Variants in MOB3B observed in about 807,000 individuals in gnomAD.
MOB3B encodes MOB kinase activator-like 2B.
A neutral mutation model predicts 18.7 loss-of-function variants in MOB3B; 7 were observed. The ratio of observed to expected loss-of-function variants is 0.37; its 90% CI spans 0.21 to 0.70. MOB3B has a LOEUF of 0.70. Ranked by LOEUF, MOB3B falls within the 30% of genes least tolerant of loss-of-function variation. MOB3B has a pLI of 0.52. For synonymous variants in MOB3B, 111 were observed against 99.9 expected (o/e 1.11, Z -0.66); for missense variants, 253 against 281.3 (o/e 0.90, Z 0.72).
intron 1 of MOB3B, among the ~76,000 whole-genome samples, chr9:27,506,899 C>T (rs1820070365): frequency 7.2e-6 from 1 of 139,730 alleles, no homozygotes; most frequent in East Asian, 2.1e-4. Context: ...CCAGGATGGT[C>T]TTGAACTCCT....
intron 2 of MOB3B, among the ~76,000 whole-genome samples, chr9:27,417,047 G>A (rs1822160989): frequency 6.6e-6 from 1 of 152,142 alleles, no homozygotes; most frequent in Admixed American, 6.6e-5. Context: ...TTACCATGAA[G>A]ATACAGGATG....
chr9:27,434,399 C>T (rs1049644953), intron 2 of MOB3B, among the ~76,000 whole-genome samples: 9 of 152,170 alleles, frequency 5.9e-5, no homozygotes, highest in Admixed American at 1.3e-4. Flanking sequence ...CCTTTCTCCA[C>T]CCACCATTAA....
intron 2 of MOB3B, among the ~76,000 whole-genome samples, chr9:27,450,541 G>T (rs975905395): frequency 6.6e-6 from 1 of 152,004 alleles, no homozygotes; most frequent in East Asian, 1.9e-4. Context: ...TTATCTAAAA[G>T]TTCTAGCCAA....
chr9:27,489,741 C>CTTTTTTTTTTTTTTTTTTTTTTTTTTTTT (rs66757462), intron 1 of MOB3B, among the ~76,000 whole-genome samples: 1 of 73,118 alleles, frequency 1.4e-5, no homozygotes, highest in Non-Finnish European at 2.6e-5. Flanking sequence ...AGGAAATAAT[C>CTTTTTTTTTTTTTTTTTTTTTTTTTTTTT]TTTTTTTTTT....
intron 3 of MOB3B, among the ~76,000 whole-genome samples, chr9:27,346,247 A>T (rs545449691): frequency 3.2e-4 from 48 of 152,336 alleles, no homozygotes; most frequent in African/African-American, 1.1e-3. Flanking sequence ...AGGACTTCCC[A>T]GCCTCCAGAA....
intron 1 of MOB3B, among the ~76,000 whole-genome samples, chr9:27,481,170 G>C (rs1011205481): frequency 6.6e-6 from 1 of 152,102 alleles, no homozygotes; most frequent in Admixed American, 6.5e-5. Context: ...CAATGAACTC[G>C]CTCATCCATA....
intron 2 of MOB3B, among the ~76,000 whole-genome samples, chr9:27,389,443 T>TTGAACATGCCGAGAGCTTCTCTACC (rs1278156547): frequency 3.9e-5 from 6 of 152,230 alleles, no homozygotes; most frequent in African/African-American, 1.4e-4. Context: ...GCTTCTCTAC[T>TTGAACATGCCGAGAGCTTCTCTACC]TCAGGTCCTG....
At chr9:27,403,014 A>G (rs1174299731) in intron 2 of MOB3B, among the ~76,000 whole-genome samples, 1 of 152,192 alleles carries the variant, frequency 6.6e-6, no homozygotes, top group Non-Finnish European at 1.5e-5. Context: ...CTCACCAAAC[A>G]TTCAACCTTC....
chr9:27,339,129 C>T (rs1390917150), intron 3 of MOB3B, among the ~76,000 whole-genome samples: 1 of 152,212 alleles, frequency 6.6e-6, no homozygotes, highest in Admixed American at 6.5e-5. Flanking sequence ...TTCTTGCCCT[C>T]AAGGCCTTTT....
chr9:27,489,017 C>G (rs1235025526), intron 1 of MOB3B, among the ~76,000 whole-genome samples: 1 of 152,174 alleles, frequency 6.6e-6, no homozygotes, highest in Non-Finnish European at 1.5e-5. Flanking sequence ...GTGATAATAT[C>G]TAGCGGGGAT....
At chr9:27,412,376 G>C (rs993484373) in intron 2 of MOB3B, among the ~76,000 whole-genome samples, 1 of 151,928 alleles carries the variant, frequency 6.6e-6, no homozygotes, top group Non-Finnish European at 1.5e-5. Flanking sequence ...GGGTGGGGTT[G>C]TTTGTGGCAA....
chr9:27,417,858 C>T (rs1412503810), intron 2 of MOB3B, among the ~76,000 whole-genome samples: 1 of 151,984 alleles, frequency 6.6e-6, no homozygotes, highest in African/African-American at 2.4e-5. Context: ...GCCAAGAGAT[C>T]GAGACCATCC....
intron 3 of MOB3B, among the ~76,000 whole-genome samples, chr9:27,354,162 T>C (rs997075431): frequency 7.9e-5 from 12 of 151,744 alleles, no homozygotes; most frequent in African/African-American, 2.7e-4. Flanking sequence ...GCTCTGGGGG[T>C]GGATGGATGT....
intron 1 of MOB3B, among the ~76,000 whole-genome samples, chr9:27,519,302 T>C (rs1013491200): frequency 1.2e-4 from 19 of 152,204 alleles, no homozygotes; most frequent in African/African-American, 4.6e-4. Flanking sequence ...CGAGGTCTGG[T>C]GAGCCATTTA....
intron 1 of MOB3B, among the ~76,000 whole-genome samples, chr9:27,481,531 T>G: frequency 7.3e-6 from 1 of 136,308 alleles, no homozygotes; most frequent in East Asian, 2.1e-4. Context: ...TTTTTTTTTT[T>G]TTTTGAGACG....
intron 3 of MOB3B, among the ~76,000 whole-genome samples, chr9:27,354,810 G>A (rs1199686707): frequency 6.6e-6 from 1 of 152,132 alleles, no homozygotes; most frequent in African/African-American, 2.4e-5. Context: ...ACATTTGCTA[G>A]GAGTCTACCT....
At chr9:27,360,158 A>G (rs60410609) in intron 2 of MOB3B, among the ~76,000 whole-genome samples, 6,964 of 152,248 alleles carry the variant, frequency 0.046, 460 homozygotes, top group African/African-American at 0.14. Flanking sequence ...AGCTTATTAA[A>G]TTGATAATGT....
chr9:27,467,450 A>G (rs751922548), intron 1 of MOB3B, among the ~76,000 whole-genome samples: 8 of 152,356 alleles, frequency 5.3e-5, no homozygotes, highest in Non-Finnish European at 8.8e-5. Flanking sequence ...GTGATGATCA[A>G]TAGGAGTCCC....
chr9:27,507,379 GT>G (rs1587266285), intron 1 of MOB3B, among the ~76,000 whole-genome samples: 1 of 152,058 alleles, frequency 6.6e-6, no homozygotes, highest in African/African-American at 2.4e-5. Context: ...TTGTCATATT[GT>G]GCACAGTAGC....
Sources: allele counts gnomAD v4.1 joint callset (sites outside exome capture counted in the v4.1 genomes callset), GRCh38; gene constraint gnomAD v4.1.1; transcripts MANE v1.5; gene names NCBI Gene and HGNC (gene_info 2026-07-23, HGNC 2026-07-21).